PCNX1: variants seen among roughly 807,000 people sequenced by gnomAD.
The protein encoded by PCNX1 is pecanex-like protein 1.
In PCNX1, 78 loss-of-function variants were observed where a neutral mutation model predicts 242.2. The observed-to-expected ratio is 0.32, with a 90% CI of 0.27 to 0.39. The LOEUF (loss-of-function observed/expected upper bound fraction) is 0.39, where lower values mean the gene tolerates loss of function less well. PCNX1 is among the 10% of genes least tolerant of loss of function. PCNX1 has a pLI of 1.00. For synonymous variants in PCNX1, 1,024 were observed against 1,032.9 expected (o/e 0.99, Z 0.17); for missense variants, 2,581 against 2,856.5 (o/e 0.90, Z 2.20).
In PCNX1 at chr14:70,978,630, C is replaced by G. The variant is rs1185337091; in HGVS notation, c.2293C>G (p.Gln765Glu). The change falls in exon 6 of 36, where the codon CAA becomes GAA. Residue 765 changes from glutamine (Q) to glutamate (E), a missense_variant. This residue lies in a region of PCNX1 where 1,204 missense variants were observed against 1,216.7 expected (regional missense o/e 0.99). Coordinates refer to ENST00000304743, the MANE Select transcript of PCNX1 (RefSeq NM_014982.3). ...GGTTGCATTTCCTGAAGGGGAAGAG[C>G]AAGATGCAGTCAGTGGAGGTAAGTA... ...NQVAFPEGEE[Q>E]DAVSGAAQAS... 1.2e-6 allele frequency: 2 copies of G among 1,612,074 alleles called. No homozygotes were observed.
At chr14:70,994,255 A>G (rs1264931426) in intron 7 of PCNX1, among the ~76,000 whole-genome samples, 2 of 151,892 alleles carry the variant, frequency 1.3e-5, no homozygotes, top group East Asian at 3.9e-4. Context: ...CTCTGGTAGC[A>G]CTAGGTATGT....
intron 26 of PCNX1, among the ~76,000 whole-genome samples, chr14:71,069,923 G>A (rs928128811): frequency 2.6e-5 from 4 of 152,178 alleles, no homozygotes; most frequent in Admixed American, 2.6e-4. Context: ...TCTGTAGCAT[G>A]CGATGCTGTT....
At chr14:71,089,706 C>T (rs1235455003) in intron 30 of PCNX1, among the ~76,000 whole-genome samples, 1 of 152,158 alleles carries the variant, frequency 6.6e-6, no homozygotes, top group African/African-American at 2.4e-5. Flanking sequence ...CACCAGTTCC[C>T]TTCCAGGACA....
intron 18 of PCNX1, among the ~76,000 whole-genome samples, chr14:71,035,287 AACTT>A (rs1371560905): frequency 2.0e-5 from 3 of 152,190 alleles, no homozygotes; most frequent in African/African-American, 7.2e-5. Context: ...GTGAAAGTAA[AACTT>A]ACCAATGGGG....
At position 70,946,999 on chromosome 14, in the gene PCNX1, C is replaced by T. The variant is rs1366185598; in HGVS notation, c.238C>T (p.Arg80Ter). ...CATTGTTCTGAAGATGGTCAACTAT[C>T]GACTACACAGAGCACTTGATGCTGG... is the stretch of plus-strand genomic sequence containing the variant. ...VFIVLKMVNY[R>*]LHRALDAGEV... Residue 80 changes from arginine to a stop codon, truncating the protein, a stop_gained, in exon 2 of 36, where the codon CGA becomes TGA. Transcript: ENST00000304743. LOFTEE classifies it high-confidence loss of function. The T allele has an allele frequency of 1.2e-6, 2 of 1,613,600 alleles. No homozygotes were observed. The highest frequency in any genetic ancestry group is 1.7e-6 in the Non-Finnish European group (2 of 1,179,606).
At chr14:70,969,153 A>G in intron 5 of PCNX1, 43 bp downstream of exon 5, 1 of 1,128,124 alleles carries the variant, frequency 8.9e-7, no homozygotes, top group South Asian at 1.3e-5. Flanking sequence ...TACTGTGGTG[A>G]CCAGAGTTAA....
At chr14:70,988,802 T>C (rs2059073164) in intron 7 of PCNX1, 103 bp downstream of exon 7, 1 of 1,381,094 alleles carries the variant, frequency 7.2e-7, no homozygotes, top group Non-Finnish European at 9.9e-7. Context: ...GTTTTTCTTT[T>C]CCTTTCTGTT....
Position 70,977,950 on chromosome 14 carries a change from AGGAAGG to A in PCNX1, c.1617_1622del (p.Glu539_Gly540del). On this transcript the variant is annotated inframe_deletion, in exon 6 of 36. Coordinates refer to ENST00000304743, the MANE Select transcript of PCNX1 (RefSeq NM_014982.3). ...CGTAAAGATGTTGGTGGAAAGCAAAAGGAAGGGGATGTTCGACCTAAATCTTCTAGC... is the reference window on the plus strand; with the variant it reads ...CGTAAAGATGTTGGTGGAAAGCAAAAGGATGTTCGACCTAAATCTTCTAGC... 6.2e-7 allele frequency: 1 copy of A among 1,614,100 alleles called. No homozygotes were observed. The highest frequency in any genetic ancestry group is 8.5e-7 in the Non-Finnish European group (1 of 1,180,004).
chr14:71,041,537 A>T lies in PCNX1; in HGVS notation c.3868-3596A>T, dbSNP rs370731145. 3.5e-3 allele frequency among the ~76,000 whole-genome samples: 538 copies of T among 152,172 alleles called. 1 individual carries two copies. Among genetic ancestry groups the T allele is most frequent in the African/African-American group, 0.013 (522 of 41,538 alleles). On this transcript the variant is annotated intron_variant, in intron 19 of 35. Transcript: ENST00000304743. Reference sequence around the variant, plus strand: ...GATACTCTGAATTTTTGCGCTATTAATCGTAATATCTCCTTTTTCATCTCT... The same window carrying T: ...GATACTCTGAATTTTTGCGCTATTATTCGTAATATCTCCTTTTTCATCTCT...
At chr14:70,926,692 T>C (rs914439976) in intron 1 of PCNX1, among the ~76,000 whole-genome samples, 3 of 152,062 alleles carry the variant, frequency 2.0e-5, no homozygotes, top group African/African-American at 7.3e-5. Flanking sequence ...GAGTTTATGT[T>C]CTCAGTGGGT....
intron 30 of PCNX1, among the ~76,000 whole-genome samples, chr14:71,094,251 T>G (rs1207412461): frequency 1.3e-5 from 2 of 152,302 alleles, no homozygotes; most frequent in Admixed American, 1.3e-4. Context: ...AAAAAGAAAC[T>G]GATAACAAAC....
intron 6 of PCNX1, 146 bp from the exon 7 acceptor site, chr14:70,988,421 T>C (rs1192545612): frequency 1.6e-6 from 1 of 621,810 alleles, no homozygotes; most frequent in Non-Finnish European, 2.7e-6. Context: ...CCTGATATGA[T>C]AGATTGACAG....
intron 1 of PCNX1, among the ~76,000 whole-genome samples, chr14:70,935,471 A>G (rs993868827): frequency 1.3e-5 from 2 of 152,252 alleles, no homozygotes; most frequent in African/African-American, 4.8e-5. Context: ...TCTTAGCAAT[A>G]TAATAGTAGG....
intron 6 of PCNX1, among the ~76,000 whole-genome samples, chr14:70,983,369 A>G (rs1338846256): frequency 6.6e-6 from 1 of 152,082 alleles, no homozygotes; most frequent in Non-Finnish European, 1.5e-5. Flanking sequence ...CAGTGGTACA[A>G]TCACAGCTCA....
At position 71,110,106 on chromosome 14, in the gene PCNX1, C is replaced by G. The variant is rs957144172; in HGVS notation, c.*171C>G. On this transcript the variant is annotated 3_prime_UTR_variant, in exon 36 of 36. Coordinates refer to ENST00000304743, the MANE Select transcript of PCNX1 (RefSeq NM_014982.3). ...TCTCCTTTGCCCTTCACCCTGACTC[C>G]TGTCACTGTCTCCATCCCCAAATAA... 1 of 692,766 alleles carries G rather than the reference C, an allele frequency of 1.4e-6. No individual in the cohort carries two copies. The highest frequency in any genetic ancestry group is 2.6e-6 in the Non-Finnish European group (1 of 381,886). The allele number at this position is 692,766 out of a possible 1,614,324, so 42.9% of individuals were successfully genotyped here.
intron 7 of PCNX1, among the ~76,000 whole-genome samples, chr14:70,989,309 A>G (rs973973206): frequency 5.9e-5 from 9 of 151,632 alleles, no homozygotes; most frequent in Non-Finnish European, 1.3e-4. Context: ...AAATTTTTCA[A>G]GCTCTGTATT....
chr14:71,009,517 T>A (rs1179742906), intron 8 of PCNX1, 117 bp from the exon 9 acceptor site: 2 of 498,666 alleles, frequency 4.0e-6, no homozygotes, highest in Non-Finnish European at 6.8e-6. Context: ...AAAAAAATTT[T>A]TTTTAAAGGT....
intron 28 of PCNX1, among the ~76,000 whole-genome samples, chr14:71,083,202 G>T (rs1030526255): frequency 6.6e-6 from 1 of 152,154 alleles, no homozygotes; most frequent in African/African-American, 2.4e-5. Context: ...TGGCTTGTGC[G>T]GTTTCTGCAG....
At chr14:70,915,278 C>T (rs1294469167) in intron 1 of PCNX1, among the ~76,000 whole-genome samples, 3 of 152,106 alleles carry the variant, frequency 2.0e-5, no homozygotes, top group East Asian at 1.9e-4. Flanking sequence ...GAAAACTTTA[C>T]GGAATCTCAA....
Sources: allele counts gnomAD v4.1 joint callset (sites outside exome capture counted in the v4.1 genomes callset), GRCh38; gene constraint gnomAD v4.1.1; regional missense constraint gnomAD v4.1.1; transcripts MANE v1.5; gene names NCBI Gene and HGNC (gene_info 2026-07-23, HGNC 2026-07-21).